The following PLCB1 variants were observed in gnomAD, a reference collection of about 807,000 sequenced individuals.
PLCB1 encodes the protein phospholipase C beta 1.
PLCB1 carries 46 observed loss-of-function variants against 161.8 expected under a neutral mutation model. The observed-to-expected ratio is 0.28, with a 90% CI of 0.22 to 0.36. The LOEUF (loss-of-function observed/expected upper bound fraction) is 0.36, where lower values mean the gene tolerates loss of function less well. Ranked by LOEUF, PLCB1 falls within the 10% of genes least tolerant of loss-of-function variation. PLCB1 has a pLI of 1.00. For synonymous variants in PLCB1, 517 were observed against 503.7 expected (o/e 1.03, Z -0.35); for missense variants, 1,016 against 1,472.5 (o/e 0.69, Z 5.07).
At chr20:8,330,673 A>C (rs1006228030) in intron 2 of PLCB1, among the ~76,000 whole-genome samples, 1 of 152,224 alleles carries the variant, frequency 6.6e-6, no homozygotes, top group Non-Finnish European at 1.5e-5. Flanking sequence ...GGATCCTGCA[A>C]AGTCAGCAGA....
intron 3 of PLCB1, among the ~76,000 whole-genome samples, chr20:8,515,475 T>A (rs1219180757): frequency 2.0e-5 from 3 of 152,234 alleles, no homozygotes; most frequent in African/African-American, 7.2e-5. Flanking sequence ...GGCTTTTCTA[T>A]GAGGCTGCTT....
At chr20:8,704,144 A>C (rs1448663844) in intron 11 of PLCB1, among the ~76,000 whole-genome samples, 1 of 152,196 alleles carries the variant, frequency 6.6e-6, no homozygotes, top group Non-Finnish European at 1.5e-5. Context: ...ACTTGAGGTC[A>C]GAAGTTCGAA....
intron 4 of PLCB1, among the ~76,000 whole-genome samples, chr20:8,629,875 TTCTCTC>T (rs35542041): frequency 8.4e-5 from 7 of 83,464 alleles, no homozygotes; most frequent in Admixed American, 1.4e-4. Flanking sequence ...CTTTCTTTCT[TTCTCTC>T]TCTCTTTCTT....
intron 3 of PLCB1, among the ~76,000 whole-genome samples, chr20:8,486,582 G>GCTTCC (rs373587466): frequency 0.065 from 8,890 of 137,404 alleles, 609 homozygotes; most frequent in African/African-American, 0.18. Context: ...TGCAAGCTCC[G>GCTTCC]CTTCCCGGGT....
chr20:8,312,504 G>A (rs1984453084), intron 2 of PLCB1, among the ~76,000 whole-genome samples: 1 of 152,098 alleles, frequency 6.6e-6, no homozygotes, highest in Non-Finnish European at 1.5e-5. Flanking sequence ...TGGATATTTG[G>A]GTACCTGTAA....
chr20:8,417,026 T>C (rs1159538081), intron 3 of PLCB1, among the ~76,000 whole-genome samples: 1 of 66,582 alleles, frequency 1.5e-5, no homozygotes, highest in Admixed American at 2.3e-4. Context: ...TATATGTGTA[T>C]ACACACACAC....
intron 2 of PLCB1, among the ~76,000 whole-genome samples, chr20:8,185,882 A>C (rs568812740): frequency 1.2e-4 from 18 of 152,252 alleles, no homozygotes; most frequent in African/African-American, 4.1e-4. Flanking sequence ...GAAATGAATG[A>C]ATGTTCTGTT....
chr20:8,765,446 C>G lies in PLCB1; in HGVS notation c.2930+88C>G, dbSNP rs898057850. ...AATGTTTTATATCATATTTTTGGAC[C>G]TGTACCATGGCAAGAAAACCACCTA... is the stretch of plus-strand genomic sequence containing the variant. On this transcript the variant is annotated intron_variant, in intron 26 of 31. Transcript: ENST00000338037. 4 of 984,950 alleles carry G rather than the reference C, an allele frequency of 4.1e-6. No homozygotes were observed. In the African/African-American group the frequency reaches 6.5e-5, roughly 16 times the overall value. 61.0% of individuals were successfully genotyped at this position (984,950 alleles called of 1,614,324 possible).
chr20:8,676,794 T>C (rs1318591942), intron 9 of PLCB1, among the ~76,000 whole-genome samples: 1 of 152,148 alleles, frequency 6.6e-6, no homozygotes, highest in African/African-American at 2.4e-5. Context: ...ACTAGACATA[T>C]GAGGAAAACT....
chr20:8,679,206 A>T (rs1990157453), intron 9 of PLCB1, among the ~76,000 whole-genome samples: 1 of 152,194 alleles, frequency 6.6e-6, no homozygotes, highest in Non-Finnish European at 1.5e-5. Flanking sequence ...AACTGAAAAC[A>T]TCTTTTCCCA....
At chr20:8,392,576 G>T (rs1388802604) in intron 3 of PLCB1, among the ~76,000 whole-genome samples, 2 of 152,058 alleles carry the variant, frequency 1.3e-5, no homozygotes. Context: ...GATCCCTGGG[G>T]ACTAAAGGTA....
chr20:8,562,773 A>G (rs147580717), intron 3 of PLCB1, among the ~76,000 whole-genome samples: 1 of 152,240 alleles, frequency 6.6e-6, no homozygotes, highest in East Asian at 1.9e-4. Context: ...CTTAACATTA[A>G]TAATACCTGA....
At chr20:8,593,346 T>TGTGCGC (rs1305432408) in intron 3 of PLCB1, among the ~76,000 whole-genome samples, 1 of 151,784 alleles carries the variant, frequency 6.6e-6, no homozygotes, top group African/African-American at 2.4e-5. Flanking sequence ...CTAATTTGTG[T>TGTGCGC]GTGCGCGTGT....
intron 31 of PLCB1, among the ~76,000 whole-genome samples, chr20:8,877,981 T>G (rs1435094802): frequency 6.6e-6 from 1 of 152,190 alleles, no homozygotes; most frequent in African/African-American, 2.4e-5. Flanking sequence ...TCATCAAAAT[T>G]AAATTACTAA....
intron 3 of PLCB1, among the ~76,000 whole-genome samples, chr20:8,495,388 C>CTTTTTTTTTTTTTTTTTTT (rs869173548): frequency 1.1e-5 from 1 of 94,364 alleles, no homozygotes; most frequent in African/African-American, 4.5e-5. Flanking sequence ...ACCTTCCTTT[C>CTTTTTTTTTTTTTTTTTTT]TTTTTTTTTT....
intron 3 of PLCB1, among the ~76,000 whole-genome samples, chr20:8,564,995 G>A (rs551798195): frequency 3.3e-5 from 5 of 152,046 alleles, no homozygotes; most frequent in African/African-American, 4.8e-5. Context: ...GGGTATATAC[G>A]CAAAGGATTA....
chr20:8,776,922 C>T (rs1407957519), intron 27 of PLCB1, among the ~76,000 whole-genome samples: 1 of 151,964 alleles, frequency 6.6e-6, no homozygotes, highest in Non-Finnish European at 1.5e-5. Flanking sequence ...GGATGCTTGG[C>T]GATTTTAAAT....
intron 3 of PLCB1, among the ~76,000 whole-genome samples, chr20:8,516,409 C>G (rs150938715): frequency 1.3e-5 from 2 of 152,022 alleles, no homozygotes; most frequent in East Asian, 3.9e-4. Context: ...AGTCACATGG[C>G]CAAGATCAAC....
chr20:8,512,082 T>C (rs6055868), intron 3 of PLCB1, among the ~76,000 whole-genome samples: 29 of 152,326 alleles, frequency 1.9e-4, no homozygotes, highest in African/African-American at 6.7e-4. Context: ...GTCATTATGA[T>C]TGAAAAACTG....
Sources: gnomAD v4.1 joint callset for allele counts (sites outside exome capture counted in the v4.1 genomes callset) on GRCh38, gnomAD v4.1.1 for gene constraint, MANE v1.5 for transcripts, NCBI Gene and HGNC (gene_info 2026-07-23, HGNC 2026-07-21) for gene names.